Variants in MYO19 observed in about 807,000 individuals in gnomAD.
MYO19 encodes unconventional myosin-XIX.
MYO19 carries 132 observed loss-of-function variants against 129.2 expected under a neutral mutation model. The observed-to-expected ratio is 1.02, with a 90% CI of 0.89 to 1.18. MYO19 has a LOEUF of 1.18. MYO19 is among the 50% of genes most tolerant of loss of function. The pLI is 0.00. For missense variants in MYO19, 1,210 were observed against 1,216.7 expected (o/e 0.99, Z 0.08); for synonymous variants, 531 against 477.2 (o/e 1.11, Z -1.47).
chr17:36,526,366 T>TTGCCCCCAAGACCTCCCTCC (rs2073464025), intron 5 of MYO19, among the ~76,000 whole-genome samples: 1 of 152,074 alleles, frequency 6.6e-6, no homozygotes, highest in Non-Finnish European at 1.5e-5. Context: ...CTACTCCCTC[T>TTGCCCCCAAGACCTCCCTCC]TGCCCCCAAG....
chr17:36,538,605 C>T (rs372135184), upstream of MYO19: 5 of 1,593,218 alleles, frequency 3.1e-6, no homozygotes, highest in Non-Finnish European at 3.4e-6. Flanking sequence ...TAAGACTGTA[C>T]AATTTTGGTG....
chr17:36,515,085 C>A (rs767492013), intron 8 of MYO19, 28 bp downstream of exon 8: 32 of 1,586,898 alleles, frequency 2.0e-5, no homozygotes, highest in African/African-American at 2.7e-5. Context: ...CCCATCCTCC[C>A]ACTAGCCAGG....
upstream of MYO19, chr17:36,537,458 C>T: frequency 6.2e-7 from 1 of 1,614,150 alleles, no homozygotes; most frequent in East Asian, 2.2e-5. Context: ...TCTTGAACAT[C>T]AGTCTAGAAT....
intron 6 of MYO19, among the ~76,000 whole-genome samples, chr17:36,518,515 A>T (rs2072915545): frequency 1.7e-4 from 12 of 72,042 alleles, no homozygotes; most frequent in East Asian, 1.1e-3. Flanking sequence ...AAAAAAAAAA[A>T]AAAAAAAAAA....
chr17:36,506,732 G>T, intron 17 of MYO19, 124 bp from the exon 18 acceptor site: 1 of 1,247,450 alleles, frequency 8.0e-7, no homozygotes, highest in Non-Finnish European at 1.1e-6. Flanking sequence ...TCCAAGAGAA[G>T]GTCCATTGGA....
intron 6 of MYO19, among the ~76,000 whole-genome samples, chr17:36,518,304 G>A (rs1488565975): frequency 6.6e-6 from 1 of 150,684 alleles, no homozygotes; most frequent in Non-Finnish European, 1.5e-5. Context: ...AAACTATAAC[G>A]TCTCTACTAA....
upstream of MYO19, chr17:36,538,757 A>ATT: frequency 3.9e-6 from 3 of 761,484 alleles, no homozygotes; most frequent in Non-Finnish European, 6.2e-6. Context: ...GTGATGCTTA[A>ATT]TTATTTTTTT....
chr17:36,532,702 C>G, intron 2 of MYO19, 21 bp from the exon 3 acceptor site: 5 of 809,452 alleles, frequency 6.2e-6, no homozygotes, highest in Non-Finnish European at 1.0e-5. Flanking sequence ...AGAGAGAAGA[C>G]AAGGACCACA....
chr17:36,520,299 A>G (rs1350266284), intron 6 of MYO19, among the ~76,000 whole-genome samples: 8 of 151,980 alleles, frequency 5.3e-5, no homozygotes, highest in Non-Finnish European at 5.9e-5. Context: ...TCTTATATTT[A>G]GTTTTCAGCA....
chr17:36,532,628 G>A lies in MYO19; in HGVS notation c.-90C>T. 1 of 1,481,776 alleles carries A rather than the reference G, an allele frequency of 6.7e-7. No individual in the cohort carries two copies. The highest frequency in any genetic ancestry group is 9.2e-7 in the Non-Finnish European group (1 of 1,084,204). 91.8% of individuals were successfully genotyped at this position (1,481,776 alleles called of 1,614,324 possible). A position where few individuals can be genotyped will look rare whatever the true frequency, so the allele number is the denominator to read the frequency against. ...GTCATGGGACCATGGGCTGGGGTATGGTTCCAACAAAGGGCTCAGTTCTGG... is the reference window on the plus strand; with the variant it reads ...GTCATGGGACCATGGGCTGGGGTATAGTTCCAACAAAGGGCTCAGTTCTGG... On this transcript the variant is annotated 5_prime_UTR_variant, in exon 3 of 26. Transcript: ENST00000614623.
At chr17:36,510,939 T>C in intron 12 of MYO19, 22 bp from the exon 13 acceptor site, 1 of 1,553,750 alleles carries the variant, frequency 6.4e-7, no homozygotes, top group Non-Finnish European at 8.7e-7. Flanking sequence ...AAATCCTCTT[T>C]AGGCAAATCA....
intron 16 of MYO19, 100 bp downstream of exon 16, chr17:36,507,299 T>G (rs1023005797): frequency 7.0e-7 from 1 of 1,430,416 alleles, no homozygotes; most frequent in East Asian, 2.3e-5. Context: ...TTTGGCAGAC[T>G]GGGAGGAGAG....
chr17:36,503,261 C>G (rs2071657116), intron 20 of MYO19, 61 bp from the exon 21 acceptor site: 8 of 1,316,400 alleles, frequency 6.1e-6, no homozygotes, highest in Non-Finnish European at 8.8e-6. Context: ...GTTAACGGTT[C>G]AGGGCTCATC....
chr17:36,495,794 T>C lies in MYO19; in HGVS notation c.*457A>G. 1 of 1,240,462 alleles carries C rather than the reference T, an allele frequency of 8.1e-7. No homozygotes were observed. Among genetic ancestry groups the C allele is most frequent in the Non-Finnish European group, 1.0e-6 (1 of 992,556 alleles). The allele number at this position is 1,240,462 out of a possible 1,614,324, so 76.8% of individuals were successfully genotyped here. A position where few individuals can be genotyped will look rare whatever the true frequency, so the allele number is the denominator to read the frequency against. The stretch of plus-strand genomic sequence containing the variant: ...CATAATTTAATTGTTTGAAATTACA[T>C]TAAATAAATCAACTAATTAAATACT... On this transcript the variant is annotated 3_prime_UTR_variant, in exon 26 of 26. Coordinates refer to ENST00000614623, the MANE Select transcript of MYO19 (RefSeq NM_001163735.2).
At chr17:36,530,102 C>T (rs914237145) in intron 3 of MYO19, among the ~76,000 whole-genome samples, 2 of 152,140 alleles carry the variant, frequency 1.3e-5, no homozygotes, top group African/African-American at 4.8e-5. Flanking sequence ...TGGCTTAAGC[C>T]TGTAATCCCA....
chr17:36,530,211 C>A (rs2073744423), intron 3 of MYO19, among the ~76,000 whole-genome samples: 2 of 152,160 alleles, frequency 1.3e-5, no homozygotes, highest in African/African-American at 4.8e-5. Flanking sequence ...ATTCTAGAGG[C>A]TGAGGCAGGA....
chr17:36,507,307 G>A, intron 16 of MYO19, 92 bp downstream of exon 16: 1 of 1,415,374 alleles, frequency 7.1e-7, no homozygotes, highest in Non-Finnish European at 9.8e-7. Context: ...ACTGGGAGGA[G>A]AGAGGCACAG....
chr17:36,539,236 A>T (rs1297111905), upstream of MYO19: 1 of 167,000 alleles, frequency 6.0e-6, no homozygotes, highest in African/African-American at 2.4e-5. Context: ...GCTATTCTGT[A>T]TTTTTACTGT....
chr17:36,514,809 G>A (rs1406403552), intron 8 of MYO19, among the ~76,000 whole-genome samples: 1 of 152,208 alleles, frequency 6.6e-6, no homozygotes, highest in Non-Finnish European at 1.5e-5. Flanking sequence ...CGAAGTCTCA[G>A]CCTCAAGCTC....
Sources: allele counts gnomAD v4.1 joint callset (sites outside exome capture counted in the v4.1 genomes callset), GRCh38; gene constraint gnomAD v4.1.1; transcripts MANE v1.5; gene names NCBI Gene and HGNC (gene_info 2026-07-23, HGNC 2026-07-21).